Variants in HUWE1 observed in about 807,000 individuals in gnomAD.
HUWE1 encodes HECT, UBA and WWE domain containing E3 ubiquitin protein ligase 1.
In HUWE1, 18 loss-of-function variants were observed where a neutral mutation model predicts 299.4. The ratio of observed to expected loss-of-function variants is 0.06; its 90% CI spans 0.04 to 0.09. The LOEUF (loss-of-function observed/expected upper bound fraction) is 0.09, where lower values mean the gene tolerates loss of function less well. HUWE1 is among the 10% of genes least tolerant of loss of function. The pLI, the probability that HUWE1 is intolerant of heterozygous loss-of-function variation, is 1.00. For missense variants in HUWE1, 1,832 were observed against 3,462.3 expected (o/e 0.53, Z 11.82); for synonymous variants, 1,317 against 1,286.1 (o/e 1.02, Z -0.51).
At chrX:53,641,250 A>C (rs2067569521) in intron 7 of HUWE1, among the ~76,000 whole-genome samples, 1 of 111,790 alleles carries the variant, frequency 8.9e-6, no homozygotes, top group Admixed American at 9.5e-5. Flanking sequence ...GACTTGGCTT[A>C]ATCATAAAAA....
intron 63 of HUWE1, among the ~76,000 whole-genome samples, chrX:53,551,938 C>A (rs1465396110): frequency 1.8e-5 from 2 of 111,863 alleles, no homozygotes; most frequent in African/African-American, 6.5e-5. Flanking sequence ...GCCCACCCCA[C>A]CTTCCCTGGG....
At chrX:53,539,922 T>C (rs1206903861) in intron 74 of HUWE1, 110 bp from the exon 75 acceptor site, 6 of 738,015 alleles carry the variant, frequency 8.1e-6, no homozygotes, top group Non-Finnish European at 9.9e-6. Flanking sequence ...AGGGGACCAC[T>C]GGCCACTGAG....
intron 3 of HUWE1, among the ~76,000 whole-genome samples, chrX:53,657,299 C>T (rs183140671): frequency 1.8e-5 from 2 of 112,209 alleles, no homozygotes; most frequent in African/African-American, 3.2e-5. Flanking sequence ...AAAGGCCAGG[C>T]GCAGTGGCTC....
At chrX:53,666,349 AAT>A (rs374632846) in intron 3 of HUWE1, among the ~76,000 whole-genome samples, 5 of 111,805 alleles carry the variant, frequency 4.5e-5, no homozygotes, top group African/African-American at 1.3e-4. Context: ...CTTTAATAAA[AAT>A]AGAGGGGAGG....
intron 2 of HUWE1, chrX:53,684,098 G>A (rs1283052644): frequency 1.1e-5 from 3 of 265,816 alleles, no homozygotes; most frequent in African/African-American, 8.2e-5. Context: ...CAAAGCCGAA[G>A]TAGCTACAGC....
In HUWE1 at chrX:53,644,237, G is replaced by A. The variant is rs781851110; in HGVS notation, c.504+1074C>T. On this transcript the variant is annotated intron_variant, in intron 7 of 83. Coordinates refer to ENST00000262854, the MANE Select transcript of HUWE1 (RefSeq NM_031407.7). ...TGTCTGACATTTTTGTGTGACTTTT[G>A]AATCCAATGGAAATGCCTCAGCTCC... Among the ~76,000 whole-genome samples the A allele has an allele frequency of 1.3e-4, 15 of 112,233 alleles. No homozygotes were observed. The South Asian group carries it at 5.5e-3, about 41-fold the overall frequency.
chrX:53,660,190 C>G (rs1456474501), intron 3 of HUWE1, among the ~76,000 whole-genome samples: 1 of 111,883 alleles, frequency 8.9e-6, no homozygotes, highest in African/African-American at 3.3e-5. Flanking sequence ...TACAGCCAGA[C>G]CCCCCACGGA....
intron 64 of HUWE1, 29 bp from the exon 65 acceptor site, chrX:53,551,218 A>G (rs782687945): frequency 7.4e-6 from 9 of 1,209,124 alleles, no homozygotes; most frequent in Admixed American, 2.2e-5. Flanking sequence ...CAATGAGGGC[A>G]TTTCTCCTGC....
chrX:53,547,134 C>T (rs1556923686), intron 68 of HUWE1, among the ~76,000 whole-genome samples: 1 of 112,324 alleles, frequency 8.9e-6, no homozygotes, highest in East Asian at 2.8e-4. Context: ...CCAGGCATTT[C>T]TTCCAACTAT....
chrX:53,548,038 T>G lies in HUWE1; in HGVS notation c.10271A>C (p.Tyr3424Ser), dbSNP rs782748397. The G allele has an allele frequency of 7.4e-6, 9 of 1,210,899 alleles. No individual in the cohort carries two copies. In the South Asian group the frequency reaches 1.4e-4, roughly 19 times the overall value. Reference sequence around the variant, plus strand: ...CCCCAGTGGAGAGGCCTCGAGGCTGTATGGAGAGGTTTCCCCCTCACCGCC... The same window carrying G: ...CCCCAGTGGAGAGGCCTCGAGGCTGGATGGAGAGGTTTCCCCCTCACCGCC... Reference protein sequence around the residue: ...SAGGEGETSPYSLEASPLGQL... With the variant: ...SAGGEGETSPSSLEASPLGQL... The change falls in exon 68 of 84, where the codon TAC (tyrosine) becomes TCC (serine). Residue 3424 changes from tyrosine (Y) to serine (S), a missense_variant. Coordinates refer to ENST00000262854, the MANE Select transcript of HUWE1 (RefSeq NM_031407.7).
At position 53,557,765 on chromosome X, in the gene HUWE1, A is replaced by AT. The variant is rs2062095211; in HGVS notation, c.8161-339dup. On this transcript the variant is annotated intron_variant, in intron 59 of 83. Transcript: ENST00000262854. Reference sequence around the variant, plus strand: ...TGTATTTTTTCCCTTCATGGGGCTTATTTTTTATTTTGTCCACTCTAGTCT... The same window carrying AT: ...TGTATTTTTTCCCTTCATGGGGCTTATTTTTTTATTTTGTCCACTCTAGTCT... Among the ~76,000 whole-genome samples, 3 of 111,580 alleles carry AT rather than the reference A, an allele frequency of 2.7e-5. No homozygotes were observed. In the South Asian group the frequency reaches 1.1e-3, roughly 42 times the overall value.
In HUWE1 at chrX:53,659,237, C is replaced by G. The variant is rs1216116632; in HGVS notation, c.-24-5106G>C. Among the ~76,000 whole-genome samples the G allele has an allele frequency of 2.7e-5, 3 of 112,573 alleles. No individual in the cohort carries two copies. In the Admixed American group the frequency reaches 2.8e-4, roughly 11 times the overall value. ...TTGAAAACTTATGTCCACACAAAAA[C>G]CTGCACATGGATGTTTATAGTACCT... is the stretch of plus-strand genomic sequence containing the variant. On this transcript the variant is annotated intron_variant, in intron 3 of 83. Transcript: ENST00000262854.
chrX:53,608,985 T>C, intron 23 of HUWE1, 76 bp from the exon 24 acceptor site: 1 of 618,188 alleles, frequency 1.6e-6, no homozygotes, highest in Non-Finnish European at 2.8e-6. Context: ...GGAGGCACTG[T>C]ATAAAATTCT....
At chrX:53,594,662 A>G in intron 30 of HUWE1, 41 bp from the exon 31 acceptor site, 1 of 1,189,643 alleles carries the variant, frequency 8.4e-7, no homozygotes, top group South Asian at 1.8e-5. Context: ...CCTTCTGTAA[A>G]GCAGAGACAG....
chrX:53,591,907 G>A lies in HUWE1; in HGVS notation c.3972+491C>T, dbSNP rs2064184530. On this transcript the variant is annotated intron_variant, in intron 33 of 83. Transcript: ENST00000262854. The stretch of plus-strand genomic sequence containing the variant: ...CACACATACATACAAACTCCAGGAA[G>A]AAAATCTTAAAATGCTCTTTGAGAT... Among the ~76,000 whole-genome samples the A allele has an allele frequency of 1.8e-5, 2 of 112,190 alleles. 1 individual carries two copies. The highest frequency in any genetic ancestry group is 7.4e-4 in the South Asian group (2 of 2,703).
intron 66 of HUWE1, among the ~76,000 whole-genome samples, chrX:53,549,933 A>G (rs1022024418): frequency 9.1e-6 from 1 of 110,127 alleles, no homozygotes; most frequent in African/African-American, 3.3e-5. Flanking sequence ...TTGTATTTTT[A>G]GTAGAGATTG....
chrX:53,686,463 A>ACCTCCGCG (rs1326904635), intron 1 of HUWE1, 95 bp from the exon 2 acceptor site: 4 of 110,761 alleles, frequency 3.6e-5, no homozygotes, highest in Admixed American at 9.4e-5. Flanking sequence ...CAAGGCCGCC[A>ACCTCCGCG]CCTCCGCGCC....
chrX:53,601,344 G>A (rs1021746437), intron 28 of HUWE1, among the ~76,000 whole-genome samples: 2 of 109,656 alleles, frequency 1.8e-5, no homozygotes, highest in Non-Finnish European at 3.8e-5. Context: ...ACCATGGCCG[G>A]CTAATTTTTG....
chrX:53,569,009 G>A (rs933068041), intron 48 of HUWE1, 135 bp from the exon 49 acceptor site: 5 of 520,939 alleles, frequency 9.6e-6, no homozygotes, highest in Admixed American at 2.8e-5. Flanking sequence ...ACAAACAGGT[G>A]AGAACACACT....
Sources: gnomAD v4.1 joint callset for allele counts (sites outside exome capture counted in the v4.1 genomes callset) on GRCh38, gnomAD v4.1.1 for gene constraint, MANE v1.5 for transcripts, NCBI Gene and HGNC (gene_info 2026-07-23, HGNC 2026-07-21) for gene names.